ARMC2: variants seen among roughly 807,000 people sequenced by gnomAD.
ARMC2 encodes the protein armadillo repeat containing 2, also known as armadillo repeat-containing protein 2.
Under a neutral mutation model 90.3 loss-of-function variants are expected in ARMC2, and 67 were observed. The ratio of observed to expected loss-of-function variants is 0.74; its 90% CI spans 0.61 to 0.91. The LOEUF (loss-of-function observed/expected upper bound fraction) is 0.91. Ranked by LOEUF, ARMC2 falls within the 40% of genes least tolerant of loss-of-function variation. The probability of loss-of-function intolerance (pLI) is 0.00; values close to 1 mark genes in which losing one functional copy is unlikely to be tolerated. For missense variants in ARMC2, 920 were observed against 1,030.9 expected (o/e 0.89, Z 1.47); for synonymous variants, 393 against 393.0 (o/e 1.00, Z 0.00).
the ARMC2 span, among the ~76,000 whole-genome samples, chr6:109,010,574 A>G: frequency 0.1 from 15,229 of 152,226 alleles, 924 homozygotes; most frequent in Middle Eastern, 0.19. Flanking sequence ...TCTCAGTGAA[A>G]ACTAAGTTAC....
chr6:109,024,877 T>C, the ARMC2 span, among the ~76,000 whole-genome samples: 1 of 152,226 alleles, frequency 6.6e-6, no homozygotes, highest in Non-Finnish European at 1.5e-5. Flanking sequence ...AAACAATTGT[T>C]AAGTGGAACT....
At chr6:108,970,241 A>G (rs1251492598) in intron 17 of ARMC2, among the ~76,000 whole-genome samples, 1 of 152,098 alleles carries the variant, frequency 6.6e-6, no homozygotes, top group East Asian at 1.9e-4. Flanking sequence ...CCAATTTAGA[A>G]TTAATATGGT....
chr6:108,878,376 C>T (rs995331988), intron 5 of ARMC2, among the ~76,000 whole-genome samples: 6 of 152,044 alleles, frequency 3.9e-5, no homozygotes, highest in African/African-American at 1.2e-4. Context: ...GTAAGTAGAC[C>T]GTGGAAAGGG....
chr6:108,936,773 A>G (rs2128492496), intron 11 of ARMC2, 127 bp from the exon 12 acceptor site: 2 of 752,738 alleles, frequency 2.7e-6, no homozygotes, highest in East Asian at 2.7e-5. Context: ...TGTGTAGAGT[A>G]TTTTTAGACT....
At chr6:108,894,919 A>C (rs190608822) in intron 6 of ARMC2, among the ~76,000 whole-genome samples, 149 of 150,950 alleles carry the variant, frequency 9.9e-4, no homozygotes, top group African/African-American at 3.5e-3. Flanking sequence ...GGCGCCCGCC[A>C]CCACGCCTGG....
intron 17 of ARMC2, among the ~76,000 whole-genome samples, chr6:108,972,713 G>A (rs1245804260): frequency 2.6e-5 from 4 of 152,104 alleles, no homozygotes; most frequent in Non-Finnish European, 4.4e-5. Context: ...TCTTAGGCTG[G>A]ATGGCGGTGG....
At chr6:108,989,496 TAG>T in the ARMC2 span, among the ~76,000 whole-genome samples, 1 of 145,672 alleles carries the variant, frequency 6.9e-6, no homozygotes, top group African/African-American at 2.5e-5. Flanking sequence ...TCTCTAGATC[TAG>T]AGATATCTAT....
intron 10 of ARMC2, among the ~76,000 whole-genome samples, chr6:108,923,808 C>A (rs1411556866): frequency 2.0e-5 from 3 of 151,974 alleles, no homozygotes; most frequent in Non-Finnish European, 2.9e-5. Context: ...GGGTTTTAGG[C>A]CCTGGTTCAC....
chr6:108,908,468 A>G lies in ARMC2; in HGVS notation c.1024-2431A>G, dbSNP rs149746400. ...AACAAATACTTAACAAATATGCCTGACAGATTCTATTATTTTTTTAAAGTA... is the reference window on the plus strand; with the variant it reads ...AACAAATACTTAACAAATATGCCTGGCAGATTCTATTATTTTTTTAAAGTA... On this transcript the variant is annotated intron_variant, in intron 8 of 17. Transcript: ENST00000392644. Among the ~76,000 whole-genome samples the G allele has an allele frequency of 9.7e-3, 1,480 of 152,328 alleles. 18 individuals are homozygous for G. The highest frequency in any genetic ancestry group is 0.031 in the African/African-American group (1,300 of 41,566).
intron 7 of ARMC2, among the ~76,000 whole-genome samples, chr6:108,901,544 T>G (rs942283664): frequency 1.3e-5 from 2 of 151,998 alleles, no homozygotes; most frequent in African/African-American, 4.8e-5. Flanking sequence ...GCTTCCTCAG[T>G]GGCTGGGATG....
At chr6:108,875,787 G>T (rs1776873679) in intron 4 of ARMC2, among the ~76,000 whole-genome samples, 1 of 152,130 alleles carries the variant, frequency 6.6e-6, no homozygotes, top group Non-Finnish European at 1.5e-5. Context: ...AATATTTTTT[G>T]AATGAAAAAT....
chr6:108,927,970 G>A (rs1304113608), intron 10 of ARMC2, 118 bp from the exon 11 acceptor site: 16 of 1,021,138 alleles, frequency 1.6e-5, no homozygotes, highest in Admixed American at 2.8e-5. Flanking sequence ...GATGCATAGC[G>A]GGAGCTTTGC....
At chr6:108,864,779 T>C (rs985337556) in intron 3 of ARMC2, among the ~76,000 whole-genome samples, 3 of 152,100 alleles carry the variant, frequency 2.0e-5, no homozygotes, top group Admixed American at 2.0e-4. Context: ...CTTGGAAGAA[T>C]TGTGGTCAGC....
the ARMC2 span, among the ~76,000 whole-genome samples, chr6:109,024,204 C>G: frequency 6.6e-6 from 1 of 152,182 alleles, no homozygotes; most frequent in Non-Finnish European, 1.5e-5. Flanking sequence ...TCACCTGCCT[C>G]TCTTAGAGAC....
intron 3 of ARMC2, among the ~76,000 whole-genome samples, chr6:108,864,508 A>G (rs1001952198): frequency 1.3e-5 from 2 of 152,100 alleles, no homozygotes. Flanking sequence ...TGGCCTCCCA[A>G]AGTGCTGGGA....
chr6:108,970,116 T>G (rs1778661279), intron 17 of ARMC2, among the ~76,000 whole-genome samples: 2 of 152,198 alleles, frequency 1.3e-5, no homozygotes, highest in Non-Finnish European at 2.9e-5. Context: ...GTTCCAAAAT[T>G]TAATACCCCA....
At chr6:108,919,588 A>G (rs1013681037) in intron 10 of ARMC2, among the ~76,000 whole-genome samples, 1 of 152,160 alleles carries the variant, frequency 6.6e-6, no homozygotes, top group Non-Finnish European at 1.5e-5. Flanking sequence ...CTTGAATAGC[A>G]AGCAGTAGAT....
intron 12 of ARMC2, among the ~76,000 whole-genome samples, chr6:108,950,345 T>A (rs1777089880): frequency 6.6e-6 from 1 of 152,222 alleles, no homozygotes; most frequent in Admixed American, 6.5e-5. Flanking sequence ...GTAGCACTAT[T>A]CACAATAGCA....
the ARMC2 span, among the ~76,000 whole-genome samples, chr6:109,001,910 T>C: frequency 1.3e-5 from 2 of 152,198 alleles, no homozygotes; most frequent in Non-Finnish European, 1.5e-5. Flanking sequence ...TTTATACATA[T>C]ATAGAATTAA....
Sources: gnomAD v4.1 joint callset for allele counts (sites outside exome capture counted in the v4.1 genomes callset) on GRCh38, gnomAD v4.1.1 for gene constraint, MANE v1.5 for transcripts, NCBI Gene and HGNC (gene_info 2026-07-23, HGNC 2026-07-21) for gene names.